The following TRUB2 variants were observed in gnomAD, a reference collection of about 807,000 sequenced individuals.
TRUB2 encodes the protein TruB pseudouridine synthase family member 2, also known as pseudouridylate synthase TRUB2, mitochondrial.
A neutral mutation model predicts 31.9 loss-of-function variants in TRUB2; 31 were observed. That is an observed-to-expected ratio of 0.97 (90% CI 0.73 to 1.31). The LOEUF is 1.31. TRUB2 is among the 50% of genes most tolerant of loss of function. The pLI is 0.00. For missense variants in TRUB2, 451 were observed against 439.6 expected (o/e 1.03, Z -0.23); for synonymous variants, 201 against 182.6 (o/e 1.10, Z -0.81).
chr9:128,314,031 C>A, intron 4 of TRUB2, 142 bp from the exon 5 acceptor site: 1 of 665,958 alleles, frequency 1.5e-6, no homozygotes, highest in Non-Finnish European at 2.6e-6. Context: ...TGCTCCACAG[C>A]CCCAGGAGGA....
At position 128,310,978 on chromosome 9, in the gene TRUB2, G is replaced by A. The variant is rs895920853; in HGVS notation, c.579C>T (p.Ala193=). Residue 193 remains alanine (A), a synonymous_variant, in exon 7 of 8, where the codon GCC becomes GCT. Transcript: ENST00000372890. The part of the protein sequence containing the change: ...DLKTQEAYEM[A]VRGLIRPMNK... ...TCATGGGCCGGATCAGGCCTCTCAC[G>A]GCCATCTCATAGGCCTCCTGGGTCT... The A allele has an allele frequency of 1.9e-5, 30 of 1,614,066 alleles. No homozygotes were observed. Among genetic ancestry groups the A allele is most frequent in the African/African-American group, 2.7e-5 (2 of 74,914 alleles).
At chr9:128,319,889 G>A (rs894153091) in intron 2 of TRUB2, among the ~76,000 whole-genome samples, 5 of 149,362 alleles carry the variant, frequency 3.3e-5, no homozygotes, top group Admixed American at 1.3e-4. Context: ...AAAGTGCAGC[G>A]ATTACAGGCG....
intron 7 of TRUB2, among the ~76,000 whole-genome samples, chr9:128,310,150 G>C (rs1831943525): frequency 6.6e-6 from 1 of 151,980 alleles, no homozygotes; most frequent in Non-Finnish European, 1.5e-5. Flanking sequence ...CTGGAGTGCA[G>C]TGGTGTGATA....
Position 128,307,620 on chromosome 9 carries a change from A to G in TRUB2, c.*1930T>C, listed in dbSNP as rs1424048561. ...GTGGTGCACACCGGTAATCCCAGCA[A>G]CTCTGGAGACTAAGGCAGGAAGAAT... is the stretch of plus-strand genomic sequence containing the variant. On this transcript the variant is annotated 3_prime_UTR_variant, in exon 8 of 8. Transcript: ENST00000372890. 2 of 151,852 alleles carry G rather than the reference A, an allele frequency of 1.3e-5. No homozygotes were observed. The highest frequency in any genetic ancestry group is 2.9e-5 in the Non-Finnish European group (2 of 68,012). 9.4% of individuals were successfully genotyped at this position (151,852 alleles called of 1,614,324 possible). A position where few individuals can be genotyped will look rare whatever the true frequency, so the allele number is the denominator to read the frequency against.
intron 6 of TRUB2, 28 bp downstream of exon 6, chr9:128,311,501 C>T: frequency 6.2e-7 from 1 of 1,612,088 alleles, no homozygotes; most frequent in Non-Finnish European, 8.5e-7. Context: ...TACTGCTCTC[C>T]CAGTACCTCC....
At chr9:128,317,364 G>A (rs564361036) in intron 2 of TRUB2, 138 bp from the exon 3 acceptor site, 362 of 773,728 alleles carry the variant, frequency 4.7e-4, no homozygotes, top group Non-Finnish European at 6.6e-4. Context: ...AGGCTTCCCC[G>A]TCATGGAATC....
rs111456770 is a variant in TRUB2 at position 128,320,336 on chromosome 9, ATT to A, written c.241+1261_241+1262del. Among the ~76,000 whole-genome samples the A allele has an allele frequency of 2.2e-3, 310 of 142,958 alleles. 1 individual carries two copies. Among genetic ancestry groups the A allele is most frequent in the African/African-American group, 7.1e-3 (277 of 39,152 alleles). The allele number at this position is 142,958 out of a possible 152,430, so 93.8% of individuals were successfully genotyped here. ...AGGCATATGCCACCCCACCTGGCTAATTTTTTTTTTTTTTTGAGACAGTTTCA... is the reference window on the plus strand; with the variant it reads ...AGGCATATGCCACCCCACCTGGCTAATTTTTTTTTTTTTGAGACAGTTTCA... On this transcript the variant is annotated intron_variant, in intron 2 of 7. Coordinates refer to ENST00000372890, the MANE Select transcript of TRUB2 (RefSeq NM_015679.3).
At position 128,305,735 on chromosome 9, in the gene TRUB2, T is replaced by C. The variant is rs1831854822; in HGVS notation, c.*3815A>G. The C allele has an allele frequency of 6.6e-6, 1 of 152,174 alleles. No homozygotes were observed. The highest frequency in any genetic ancestry group is 1.5e-5 in the Non-Finnish European group (1 of 68,084). 9.4% of individuals were successfully genotyped at this position (152,174 alleles called of 1,614,324 possible). On this transcript the variant is annotated 3_prime_UTR_variant, in exon 8 of 8. Coordinates refer to ENST00000372890, the MANE Select transcript of TRUB2 (RefSeq NM_015679.3). ...TTTCTGACATAGGGTCTCGCTCTGT[T>C]GCCCAGGCTGGAGTACAGATCTCCA...
chr9:128,314,001 G>T, intron 4 of TRUB2, 112 bp from the exon 5 acceptor site: 1 of 901,158 alleles, frequency 1.1e-6, no homozygotes. Flanking sequence ...GGAAGCTCAT[G>T]TGCCCAGCCC....
Position 128,317,188 on chromosome 9 carries a change from C to T in TRUB2, c.280G>A (p.Gly94Arg). The change falls in exon 3 of 8, where the codon GGA (glycine) becomes AGA (arginine). Residue 94 changes from glycine (G) to arginine (R), a missense_variant. Coordinates refer to ENST00000372890, the MANE Select transcript of TRUB2 (RefSeq NM_015679.3). ...GAAGCCTGGGCATCCAACCGATGTC[C>T]CACGCCAACCTTGAGATGGGCGAAT... ...PAFAHLKVGV[G>R]HRLDAQASGV... 6.3e-7 allele frequency: 1 copy of T among 1,593,812 alleles called. No homozygotes were observed. Among genetic ancestry groups the T allele is most frequent in the Non-Finnish European group, 8.6e-7 (1 of 1,168,494 alleles).
rs148343385 is a variant in TRUB2 at position 128,317,545 on chromosome 9, G to A, written c.242-319C>T. On this transcript the variant is annotated intron_variant, in intron 2 of 7. Coordinates refer to ENST00000372890, the MANE Select transcript of TRUB2 (RefSeq NM_015679.3). ...CAGCTCTACTGAGGAAGAGTCCCTG[G>A]AGGAAAATGGAGGCTGTGAGCTCCT... Among the ~76,000 whole-genome samples the A allele has an allele frequency of 7.2e-4, 110 of 152,310 alleles. 1 individual carries two copies. Among genetic ancestry groups the A allele is most frequent in the African/African-American group, 2.6e-3 (108 of 41,556 alleles).
intron 2 of TRUB2, among the ~76,000 whole-genome samples, chr9:128,319,792 A>G (rs1339415343): frequency 6.6e-6 from 1 of 151,416 alleles, no homozygotes; most frequent in African/African-American, 2.4e-5. Context: ...GGTACGTGCT[A>G]TCATGCCCAG....
In TRUB2 at chr9:128,305,635, T is replaced by G. The variant is rs1831853146; in HGVS notation, c.*3915A>C. 1 of 152,254 alleles carries G rather than the reference T, an allele frequency of 6.6e-6. No homozygotes were observed. Among genetic ancestry groups the G allele is most frequent in the Non-Finnish European group, 1.5e-5 (1 of 68,106 alleles). 9.4% of individuals were successfully genotyped at this position (152,254 alleles called of 1,614,324 possible). On this transcript the variant is annotated 3_prime_UTR_variant, in exon 8 of 8. Coordinates refer to ENST00000372890, the MANE Select transcript of TRUB2 (RefSeq NM_015679.3). The stretch of plus-strand genomic sequence containing the variant: ...AACTCCTGACCTCAAGTGATTCACC[T>G]GCTTTGGCTTCCCAAAGTGCAGGGA...
At chr9:128,315,909 G>A in intron 3 of TRUB2, 2 of 473,298 alleles carry the variant, frequency 4.2e-6, no homozygotes, top group Non-Finnish European at 7.8e-6. Context: ...GAGAGGAAGA[G>A]ATCCCTGGCC....
intron 1 of TRUB2, among the ~76,000 whole-genome samples, chr9:128,322,045 G>C (rs1369933396): frequency 6.6e-6 from 1 of 152,220 alleles, no homozygotes; most frequent in Non-Finnish European, 1.5e-5. Flanking sequence ...CAGTATAGCA[G>C]TAGTTAAGAA....
chr9:128,309,666 G>C lies in TRUB2; in HGVS notation c.880C>G (p.Leu294Val), dbSNP rs750681440. The C allele has an allele frequency of 6.2e-7, 1 of 1,614,106 alleles. No individual in the cohort carries two copies. The highest frequency in any genetic ancestry group is 8.5e-7 in the Non-Finnish European group (1 of 1,180,048). The part of the protein sequence containing the change: ...RAATPQVAAE[L>V]EKSLSPGLDT... ...AGCCCCGGGCTCAAGCTCTTCTCCA[G>C]CTCTGCAGCTACCTGAGGGGTAGCA... The change falls in exon 8 of 8, where the codon CTG becomes GTG. Residue 294 changes from leucine (L) to valine (V), a missense_variant. By Grantham distance (32) the Leu-to-Val change is conservative. Transcript: ENST00000372890.
Position 128,305,507 on chromosome 9 carries a change from T to A in TRUB2, c.*4043A>T, listed in dbSNP as rs1008035503. The A allele has an allele frequency of 6.6e-6, 1 of 152,356 alleles. No homozygotes were observed. The allele number at this position is 152,356 out of a possible 1,614,324, so 9.4% of individuals were successfully genotyped here. A position where few individuals can be genotyped will look rare whatever the true frequency, so the allele number is the denominator to read the frequency against. On this transcript the variant is annotated 3_prime_UTR_variant, in exon 8 of 8. Transcript: ENST00000372890. ...TGATTCTCCCACCTCAGCCCAGATC[T>A]GGAGTAGCTGTAGCTGGACTACAGA... is the stretch of plus-strand genomic sequence containing the variant.
rs773382476 is a variant in TRUB2, at chr9:128,309,801, T to C, written c.745A>G (p.Thr249Ala). ...VHEIGLELKT[T>A]AVCTQVRRTR... The stretch of plus-strand genomic sequence containing the variant: ...CGCCGCACTTGGGTGCAGACAGCAG[T>C]GGTCTTTAGTTCCAGGCCGATTTCA... Residue 249 changes from threonine (T) to alanine (A), a missense_variant, in exon 8 of 8, where the codon ACT becomes GCT. Physicochemically the swap from Thr to Ala is moderately conservative, Grantham distance 58. Transcript: ENST00000372890. 1.5e-5 allele frequency: 25 copies of C among 1,614,256 alleles called. No individual in the cohort carries two copies. The highest frequency in any genetic ancestry group is 4.5e-5 in the East Asian group (2 of 44,888).
rs1177577153 is a variant in TRUB2 at position 128,321,806 on chromosome 9, G to A, written c.110-76C>T. The A allele has an allele frequency of 3.4e-6, 5 of 1,457,854 alleles. No individual in the cohort carries two copies. The African/African-American group carries it at 5.6e-5, about 16-fold the overall frequency. 90.3% of individuals were successfully genotyped at this position (1,457,854 alleles called of 1,614,324 possible). A position where few individuals can be genotyped will look rare whatever the true frequency, so the allele number is the denominator to read the frequency against. On this transcript the variant is annotated intron_variant, in intron 1 of 7. Transcript: ENST00000372890. ...TATAAAATATTTTTTAAGAGACAGG[G>A]CCTCGTTCTGTAGCCCAGGCTGAAG...
Sources: allele counts gnomAD v4.1 joint callset (sites outside exome capture counted in the v4.1 genomes callset), GRCh38; gene constraint gnomAD v4.1.1; transcripts MANE v1.5; gene names NCBI Gene and HGNC (gene_info 2026-07-23, HGNC 2026-07-21).